The following ZEB2 variants were observed in gnomAD, a reference collection of about 807,000 sequenced individuals.
ZEB2 encodes the protein zinc finger E-box-binding homeobox 2.
Under a neutral mutation model 99.9 loss-of-function variants are expected in ZEB2, and 6 were observed. The observed-to-expected ratio is 0.06, with a 90% CI of 0.03 to 0.12. The LOEUF is 0.12. Among genes scored for constraint, ZEB2 ranks in the 10% least tolerant of loss-of-function variants. ZEB2 has a pLI of 1.00. For synonymous variants in ZEB2, 517 were observed against 542.5 expected (o/e 0.95, Z 0.65); for missense variants, 969 against 1,502.8 (o/e 0.64, Z 5.87).
rs1703071722 is a variant in ZEB2 at position 144,385,658 on chromosome 2, T to A, written c.*3793A>T. On this transcript the variant is annotated 3_prime_UTR_variant, in exon 10 of 10. Coordinates refer to ENST00000627532, the MANE Select transcript of ZEB2 (RefSeq NM_014795.4). ...ATACACACACTTGTTTGTGTGTATA[T>A]CCAGGGCCCTACAGCCCCTGAATGG... 1 of 152,136 alleles carries A rather than the reference T, an allele frequency of 6.6e-6. No homozygotes were observed. The highest frequency in any genetic ancestry group is 2.1e-4 in the South Asian group (1 of 4,834). The allele number at this position is 152,136 out of a possible 1,614,324, so 9.4% of individuals were successfully genotyped here. A position where few individuals can be genotyped will look rare whatever the true frequency, so the allele number is the denominator to read the frequency against.
chr2:144,488,864 A>G (rs1002501238), intron 2 of ZEB2, among the ~76,000 whole-genome samples: 3 of 152,192 alleles, frequency 2.0e-5, no homozygotes, highest in African/African-American at 7.2e-5. Context: ...CTTTTAACAT[A>G]TAGTTTATTT....
At chr2:144,417,999 T>A (rs1000668707) in intron 4 of ZEB2, among the ~76,000 whole-genome samples, 1 of 152,194 alleles carries the variant, frequency 6.6e-6, no homozygotes, top group Non-Finnish European at 1.5e-5. Context: ...AGAATACGAT[T>A]CCTGATGTGA....
At chr2:144,397,442 A>G (rs1236119814) in intron 8 of ZEB2, among the ~76,000 whole-genome samples, 1 of 152,226 alleles carries the variant, frequency 6.6e-6, no homozygotes, top group African/African-American at 2.4e-5. Flanking sequence ...AACAAAGATT[A>G]TATGCTGCAT....
At chr2:144,446,375 T>A (rs1382721406) in intron 2 of ZEB2, among the ~76,000 whole-genome samples, 1 of 151,392 alleles carries the variant, frequency 6.6e-6, no homozygotes, top group African/African-American at 2.4e-5. Context: ...CCTCTATCCT[T>A]CCTTCCTTCT....
chr2:144,391,530 A>G (rs1024634617), intron 9 of ZEB2, among the ~76,000 whole-genome samples: 4 of 152,258 alleles, frequency 2.6e-5, no homozygotes, highest in Non-Finnish European at 5.9e-5. Flanking sequence ...AGATGTTTTG[A>G]ATGAGGTAAA....
intron 2 of ZEB2, among the ~76,000 whole-genome samples, chr2:144,507,574 A>T (rs1225076716): frequency 6.6e-6 from 1 of 151,236 alleles, no homozygotes; most frequent in Middle Eastern, 3.2e-3. Flanking sequence ...CTCCCCTTAC[A>T]CTCTTAATGT....
intron 2 of ZEB2, among the ~76,000 whole-genome samples, chr2:144,483,113 G>A (rs1302043344): frequency 1.0e-5 from 1 of 100,440 alleles, no homozygotes; most frequent in African/African-American, 4.2e-5. Flanking sequence ...CAGTGTTTAG[G>A]TAAGACACAC....
At position 144,513,843 on chromosome 2, in the gene ZEB2, G is replaced by C. The variant is rs751893992; in HGVS notation, c.73+3435C>G. The C allele has an allele frequency of 1.8e-5, 28 of 1,534,282 alleles. No homozygotes were observed. In the African/African-American group the frequency reaches 3.6e-4, roughly 20 times the overall value. ...ATAATCAGGGGAAAGAAAAAGGGGG[G>C]CTGGGTTTTCCCCCTCCTCTCCAGC... On this transcript the variant is annotated intron_variant, in intron 2 of 9. Coordinates refer to ENST00000627532, the MANE Select transcript of ZEB2 (RefSeq NM_014795.4).
chr2:144,465,196 T>C (rs2114593), intron 2 of ZEB2, among the ~76,000 whole-genome samples: 146,563 of 152,252 alleles, frequency 0.96, 70,649 homozygotes, highest in East Asian at 1. Flanking sequence ...TAACTCTTTA[T>C]ATGTTGTAGT....
chr2:144,452,675 C>A (rs1438621781), intron 2 of ZEB2, among the ~76,000 whole-genome samples: 1 of 152,118 alleles, frequency 6.6e-6, no homozygotes, highest in South Asian at 2.1e-4. Context: ...GCAGTTCCGT[C>A]GCCAACCTGA....
At chr2:144,404,271 C>G in intron 5 of ZEB2, 141 bp from the exon 6 acceptor site, 1 of 895,476 alleles carries the variant, frequency 1.1e-6, no homozygotes, top group Non-Finnish European at 1.8e-6. Context: ...CACCCGGCCC[C>G]CTCGCACACC....
chr2:144,386,589 GAGAA>G lies in ZEB2; in HGVS notation c.*2858_*2861del, dbSNP rs981097456. 6.6e-6 allele frequency: 1 copy of G among 152,134 alleles called. No individual in the cohort carries two copies. Among genetic ancestry groups the G allele is most frequent in the African/African-American group, 2.4e-5 (1 of 41,404 alleles). 9.4% of individuals were successfully genotyped at this position (152,134 alleles called of 1,614,324 possible). ...TCGTGCACACTTTCTTCTTTCCAAG[GAGAA>G]AGAGTTAGGTTGCACATTCATTGTT... On this transcript the variant is annotated 3_prime_UTR_variant, in exon 10 of 10. Coordinates refer to ENST00000627532, the MANE Select transcript of ZEB2 (RefSeq NM_014795.4).
At chr2:144,436,340 G>A (rs1265643496) in intron 2 of ZEB2, among the ~76,000 whole-genome samples, 1 of 152,092 alleles carries the variant, frequency 6.6e-6, no homozygotes, top group Non-Finnish European at 1.5e-5. Context: ...AGGAACATTC[G>A]AAGGCATTAA....
intron 2 of ZEB2, among the ~76,000 whole-genome samples, chr2:144,480,528 A>G (rs1473572259): frequency 6.6e-6 from 1 of 152,168 alleles, no homozygotes; most frequent in Non-Finnish European, 1.5e-5. Flanking sequence ...ACTTAGCATT[A>G]CAAGAATGTT....
At chr2:144,513,972 C>G in intron 2 of ZEB2, 1 of 1,221,504 alleles carries the variant, frequency 8.2e-7, no homozygotes, top group Non-Finnish European at 1.1e-6. Context: ...CGCTTTTTGC[C>G]TCCTTCCCCC....
chr2:144,510,383 C>T (rs531046350), intron 2 of ZEB2, among the ~76,000 whole-genome samples: 4 of 151,950 alleles, frequency 2.6e-5, no homozygotes, highest in African/African-American at 4.8e-5. Context: ...CTCTCTGGTC[C>T]GCTGGTAAAC....
Position 144,517,368 on chromosome 2 carries a change from A to T in ZEB2, c.-18T>A. On this transcript the variant is annotated 5_prime_UTR_variant, in exon 2 of 10. Transcript: ENST00000627532. ...TGCTTCATTGATAAGAGCGGATCAG[A>T]TGGCAGTTCGCATGGACTCGGCGCC... is the stretch of plus-strand genomic sequence containing the variant. 1 of 1,613,608 alleles carries T rather than the reference A, an allele frequency of 6.2e-7. No individual in the cohort carries two copies. Among genetic ancestry groups the T allele is most frequent in the Non-Finnish European group, 8.5e-7 (1 of 1,179,812 alleles).
intron 2 of ZEB2, among the ~76,000 whole-genome samples, chr2:144,466,656 AG>A (rs1704276354): frequency 6.6e-6 from 1 of 152,228 alleles, no homozygotes; most frequent in Non-Finnish European, 1.5e-5. Flanking sequence ...CTGAATAATA[AG>A]GGAATTTCAA....
chr2:144,426,451 A>G (rs961352761), intron 3 of ZEB2: 2 of 151,318 alleles, frequency 1.3e-5, no homozygotes, highest in Admixed American at 1.3e-4. Context: ...AAGAATCATA[A>G]GTTTTCCATC....
Sources: gnomAD v4.1 joint callset for allele counts (sites outside exome capture counted in the v4.1 genomes callset) on GRCh38, gnomAD v4.1.1 for gene constraint, MANE v1.5 for transcripts, NCBI Gene and HGNC (gene_info 2026-07-23, HGNC 2026-07-21) for gene names.